The following ST3GAL1 variants were observed in gnomAD, a reference collection of about 807,000 sequenced individuals.
ST3GAL1 encodes CMP-N-acetylneuraminate-beta-galactosamide-alpha-2,3-sialyltransferase 1.
A neutral mutation model predicts 34.1 loss-of-function variants in ST3GAL1; 16 were observed. That is an observed-to-expected ratio of 0.47 (90% CI 0.32 to 0.71). ST3GAL1 has a LOEUF of 0.71. ST3GAL1 is among the 30% of genes least tolerant of loss of function. The pLI is 0.04. For missense variants in ST3GAL1, 353 were observed against 447.4 expected (o/e 0.79, Z 1.90); for synonymous variants, 191 against 184.7 (o/e 1.03, Z -0.28).
chr8:133,571,067 A>C lies in ST3GAL1; in HGVS notation c.-582+626T>G, dbSNP rs1358630051. ...TCAACTTCACCCCCAGATCCGGAGCAGCGCGCTCTGACGGCGTCCCCGGGG... is the reference window on the plus strand; with the variant it reads ...TCAACTTCACCCCCAGATCCGGAGCCGCGCGCTCTGACGGCGTCCCCGGGG... On this transcript the variant is annotated intron_variant, in intron 1 of 9. Coordinates refer to ENST00000522652, the MANE Select transcript of ST3GAL1 (RefSeq NM_173344.3). This position sits in a 1 kb window ranked among gnomAD's most constrained non-coding sequence, Gnocchi z 6.7. Among the ~76,000 whole-genome samples the C allele has an allele frequency of 3.3e-5, 5 of 152,158 alleles. No individual in the cohort carries two copies. The highest frequency in any genetic ancestry group is 3.3e-4 in the Admixed American group (5 of 15,288).
rs979199082 is a variant in ST3GAL1 at position 133,570,021 on chromosome 8, C to T, written c.-582+1672G>A. Reference sequence around the variant, plus strand: ...TCCGGGCCCCTGCCAGCACCTTCCACCTTGGGGCCTTGTCAATGAACACTG... The same window carrying T: ...TCCGGGCCCCTGCCAGCACCTTCCATCTTGGGGCCTTGTCAATGAACACTG... On this transcript the variant is annotated intron_variant, in intron 1 of 9. Transcript: ENST00000522652. This position sits in a 1 kb window ranked among gnomAD's most constrained non-coding sequence, Gnocchi z 5.6. 6.6e-6 allele frequency: 1 copy of T among 152,360 alleles called. No homozygotes were observed. Among genetic ancestry groups the T allele is most frequent in the Admixed American group, 6.5e-5 (1 of 15,290 alleles). The allele number at this position is 152,360 out of a possible 1,614,324, so 9.4% of individuals were successfully genotyped here.
chr8:133,501,191 T>C (rs1039504984), intron 2 of ST3GAL1, among the ~76,000 whole-genome samples: 1 of 152,128 alleles, frequency 6.6e-6, no homozygotes, highest in Non-Finnish European at 1.5e-5. Context: ...AGTGTTGCCA[T>C]GGAATCCCAA....
chr8:133,533,308 T>G (rs891237771), intron 2 of ST3GAL1, among the ~76,000 whole-genome samples: 1 of 152,150 alleles, frequency 6.6e-6, no homozygotes, highest in Non-Finnish European at 1.5e-5. Flanking sequence ...GTCTGTGCTA[T>G]TTTTCCCCGT....
At chr8:133,551,243 G>C (rs1158583507) in intron 1 of ST3GAL1, among the ~76,000 whole-genome samples, 1 of 152,132 alleles carries the variant, frequency 6.6e-6, no homozygotes, top group African/African-American at 2.4e-5. Context: ...ACCGAGGCAG[G>C]TGGATCACGA....
rs1815392744 is a variant in ST3GAL1, at chr8:133,458,878, T to A, written c.*886A>T. 1 of 148,238 alleles carries A rather than the reference T, an allele frequency of 6.7e-6. No individual in the cohort carries two copies. The highest frequency in any genetic ancestry group is 2.2e-4 in the South Asian group (1 of 4,570). The allele number at this position is 148,238 out of a possible 1,614,324, so 9.2% of individuals were successfully genotyped here. A position where few individuals can be genotyped will look rare whatever the true frequency, so the allele number is the denominator to read the frequency against. ...ACACGGTGCCAAGTTTGGGGTTTTTTTTCTTTTCTTTTTTTTTTTTTTTCA... is the reference window on the plus strand; with the variant it reads ...ACACGGTGCCAAGTTTGGGGTTTTTATTCTTTTCTTTTTTTTTTTTTTTCA... On this transcript the variant is annotated 3_prime_UTR_variant, in exon 10 of 10. Transcript: ENST00000522652.
Position 133,508,244 on chromosome 8 carries a change from T to C in ST3GAL1, c.-428-9055A>G, listed in dbSNP as rs1817401313. Among the ~76,000 whole-genome samples, 1 of 152,154 alleles carries C rather than the reference T, an allele frequency of 6.6e-6. No homozygotes were observed. Among genetic ancestry groups the C allele is most frequent in the South Asian group, 2.1e-4 (1 of 4,826 alleles). ...CCTGGACTCCAGAGTCCAGAACACG[T>C]TTCTTATGTGGAATTATCGGATTCC... On this transcript the variant is annotated intron_variant, in intron 2 of 9. Coordinates refer to ENST00000522652, the MANE Select transcript of ST3GAL1 (RefSeq NM_173344.3). The surrounding 1 kb of genome is among the most constrained non-coding windows in gnomAD (Gnocchi z 4.1).
In ST3GAL1 at chr8:133,461,713, C is replaced by T. The variant is rs1168926425; in HGVS notation, c.849+162G>A. On this transcript the variant is annotated intron_variant, in intron 9 of 9. Transcript: ENST00000522652. This position sits in a 1 kb window ranked among gnomAD's most constrained non-coding sequence, Gnocchi z 4.7. ...TAGAGCACTGTTACTCACTAAAACA[C>T]CCTGGGAGACACATGTTGCAAGTCC... Among the ~76,000 whole-genome samples the T allele has an allele frequency of 2.0e-5, 3 of 152,204 alleles. No individual in the cohort carries two copies. The highest frequency in any genetic ancestry group is 7.2e-5 in the African/African-American group (3 of 41,450).
intron 1 of ST3GAL1, among the ~76,000 whole-genome samples, chr8:133,562,233 CAG>C (rs1819248146): frequency 7.7e-6 from 1 of 129,452 alleles, no homozygotes; most frequent in African/African-American, 3.0e-5. Flanking sequence ...TTTTTTGAGA[CAG>C]AGTCTCATTC....
intron 2 of ST3GAL1, among the ~76,000 whole-genome samples, chr8:133,513,860 T>C (rs1817566122): frequency 6.6e-6 from 1 of 151,258 alleles, no homozygotes. Context: ...GATTACGCCA[T>C]TGCACTCCAG....
intron 2 of ST3GAL1, among the ~76,000 whole-genome samples, chr8:133,507,232 C>T (rs1181813267): frequency 2.0e-5 from 3 of 152,238 alleles, no homozygotes; most frequent in Non-Finnish European, 4.4e-5. Context: ...ATTCTCAACT[C>T]CACCACTCAT....
intron 3 of ST3GAL1, among the ~76,000 whole-genome samples, chr8:133,485,001 G>A (rs1816532346): frequency 6.6e-6 from 1 of 152,210 alleles, no homozygotes; most frequent in African/African-American, 2.4e-5. Context: ...AAGCTAGAGT[G>A]GTATCTGCAA....
At chr8:133,487,840 T>G (rs112631708) in intron 3 of ST3GAL1, among the ~76,000 whole-genome samples, 3,929 of 152,136 alleles carry the variant, frequency 0.026, 84 homozygotes, top group Non-Finnish European at 0.042. Flanking sequence ...TGGTGGCGGA[T>G]GCCTGTAGTC....
At chr8:133,518,868 C>G (rs1365675931) in intron 2 of ST3GAL1, among the ~76,000 whole-genome samples, 1 of 152,196 alleles carries the variant, frequency 6.6e-6, no homozygotes, top group Non-Finnish European at 1.5e-5. Context: ...TTGGTTAAGG[C>G]CACAGAGCCT....
At chr8:133,479,338 G>A (rs1009026391) in intron 3 of ST3GAL1, among the ~76,000 whole-genome samples, 1 of 152,074 alleles carries the variant, frequency 6.6e-6, no homozygotes, top group African/African-American at 2.4e-5. Flanking sequence ...GGAGTGGGTG[G>A]GGGGTGAGGG....
At chr8:133,463,497 G>A (rs777017629) in intron 7 of ST3GAL1, 38 bp from the exon 8 acceptor site, 17 of 1,610,836 alleles carry the variant, frequency 1.1e-5, no homozygotes, top group African/African-American at 1.3e-5. Flanking sequence ...AATGGGGCAG[G>A]GGACAGGCCC....
At chr8:133,531,227 A>C (rs1191547596) in intron 2 of ST3GAL1, among the ~76,000 whole-genome samples, 1 of 152,208 alleles carries the variant, frequency 6.6e-6, no homozygotes, top group Non-Finnish European at 1.5e-5. Flanking sequence ...ATATATATAT[A>C]GCATAAATAT....
intron 5 of ST3GAL1, among the ~76,000 whole-genome samples, chr8:133,470,808 C>T (rs72718262): frequency 0.045 from 6,888 of 152,232 alleles, 183 homozygotes; most frequent in African/African-American, 0.073. Flanking sequence ...CCCAGGGGCA[C>T]GGCCCGAGAG....
chr8:133,471,669 G>A (rs992949517), intron 5 of ST3GAL1, among the ~76,000 whole-genome samples: 2 of 152,140 alleles, frequency 1.3e-5, no homozygotes, highest in Admixed American at 6.5e-5. Flanking sequence ...TTGACAGTGG[G>A]TGACCTGGTA....
At chr8:133,512,712 G>C (rs900005460) in intron 2 of ST3GAL1, among the ~76,000 whole-genome samples, 10 of 152,066 alleles carry the variant, frequency 6.6e-5, no homozygotes, top group African/African-American at 9.7e-5. Context: ...CCAAACTGAG[G>C]GTCGGGAGGA....
Sources: gnomAD v4.1 joint callset for allele counts (sites outside exome capture counted in the v4.1 genomes callset) on GRCh38, gnomAD v4.1.1 for gene constraint, Gnocchi (gnomAD v3.1) non-coding constraint, MANE v1.5 for transcripts, NCBI Gene and HGNC (gene_info 2026-07-23, HGNC 2026-07-21) for gene names.